FAM227B: variants seen among roughly 807,000 people sequenced by gnomAD.
FAM227B encodes the protein family with sequence similarity 227 member B, also known as protein FAM227B.
A neutral mutation model predicts 73.8 loss-of-function variants in FAM227B; 88 were observed. The ratio of observed to expected loss-of-function variants is 1.19; its 90% CI spans 1.00 to 1.42. FAM227B has a LOEUF of 1.42. Among genes scored for constraint, FAM227B ranks in the 40% most tolerant of loss-of-function variants. FAM227B has a pLI of 0.00. For missense variants in FAM227B, 632 were observed against 590.9 expected (o/e 1.07, Z -0.72); for synonymous variants, 210 against 190.5 (o/e 1.10, Z -0.84).
At chr15:49,394,878 C>T (rs2047464556) in intron 11 of FAM227B, among the ~76,000 whole-genome samples, 1 of 152,068 alleles carries the variant, frequency 6.6e-6, no homozygotes, top group Non-Finnish European at 1.5e-5. Context: ...AATGTATAGT[C>T]TTGACTGTTG....
At chr15:49,334,152 G>T in intron 14 of FAM227B, 1 of 657,410 alleles carries the variant, frequency 1.5e-6, no homozygotes, top group Non-Finnish European at 1.9e-6. Flanking sequence ...CAGTTTTGTG[G>T]TTTTATGTAA....
intron 11 of FAM227B, among the ~76,000 whole-genome samples, chr15:49,471,925 G>A (rs1473493641): frequency 4.0e-5 from 6 of 151,804 alleles, no homozygotes; most frequent in African/African-American, 1.5e-4. Flanking sequence ...GGAATCCCTC[G>A]TGACAGTGAA....
chr15:49,445,234 T>C (rs995137538), intron 11 of FAM227B, among the ~76,000 whole-genome samples: 2 of 151,650 alleles, frequency 1.3e-5, no homozygotes, highest in African/African-American at 2.4e-5. Context: ...GTACTGAGCA[T>C]AGTACCCAAT....
intron 11 of FAM227B, among the ~76,000 whole-genome samples, chr15:49,403,479 G>C (rs1481365709): frequency 1.3e-5 from 2 of 152,050 alleles, no homozygotes; most frequent in East Asian, 1.9e-4. Context: ...TTTCTTCCTG[G>C]TTCAGTCTTG....
chr15:49,512,773 C>T (rs2059103680), intron 10 of FAM227B, among the ~76,000 whole-genome samples: 1 of 151,912 alleles, frequency 6.6e-6, no homozygotes, highest in South Asian at 2.1e-4. Context: ...CTCGACAGGC[C>T]CTGGTGTGTG....
At chr15:49,389,170 A>C (rs572267920) in intron 11 of FAM227B, among the ~76,000 whole-genome samples, 2 of 152,130 alleles carry the variant, frequency 1.3e-5, no homozygotes, top group South Asian at 4.2e-4. Context: ...AAGTCATTAT[A>C]TGAAAAAGAC....
At chr15:49,477,146 G>A (rs1203541615) in intron 11 of FAM227B, among the ~76,000 whole-genome samples, 1 of 151,342 alleles carries the variant, frequency 6.6e-6, no homozygotes, top group East Asian at 1.9e-4. Context: ...TAAATATCTT[G>A]CACTAATGTG....
rs1324509831 is a variant in FAM227B at position 49,588,087 on chromosome 15, T to C, written c.338-4A>G. The stretch of plus-strand genomic sequence containing the variant: ...CGTTCCAATTTTCTATAAGAACCTT[T>C]AAGAAAATAAGAATTCACAGTATAT... On this transcript the variant is annotated splice_polypyrimidine_tract_variant and splice_region_variant and intron_variant, in intron 4 of 15. Coordinates refer to ENST00000299338, the MANE Select transcript of FAM227B (RefSeq NM_152647.3). The C allele has an allele frequency of 2.2e-6, 3 of 1,387,912 alleles. No homozygotes were observed. The highest frequency in any genetic ancestry group is 3.0e-5 in the African/African-American group (2 of 67,734). 86.0% of individuals were successfully genotyped at this position (1,387,912 alleles called of 1,614,324 possible). A position where few individuals can be genotyped will look rare whatever the true frequency, so the allele number is the denominator to read the frequency against.
intron 10 of FAM227B, among the ~76,000 whole-genome samples, chr15:49,539,866 G>A (rs1421911462): frequency 6.6e-6 from 1 of 152,220 alleles, no homozygotes. Flanking sequence ...ATGGTCCCAG[G>A]TGCAGGCTAG....
At chr15:49,377,513 T>A (rs891824299) in intron 11 of FAM227B, among the ~76,000 whole-genome samples, 2 of 152,112 alleles carry the variant, frequency 1.3e-5, no homozygotes, top group African/African-American at 4.8e-5. Flanking sequence ...TTTCTCCATA[T>A]CCTTGCCTAT....
chr15:49,333,428 ACT>A (rs1411320639), intron 14 of FAM227B, among the ~76,000 whole-genome samples: 1 of 152,110 alleles, frequency 6.6e-6, no homozygotes, highest in East Asian at 1.9e-4. Context: ...CTTGTGAGTT[ACT>A]CTGAGAATTG....
chr15:49,372,948 A>C (rs746092196), intron 11 of FAM227B, among the ~76,000 whole-genome samples: 46 of 152,262 alleles, frequency 3.0e-4, no homozygotes, highest in Non-Finnish European at 5.7e-4. Flanking sequence ...TTGGTTAGCA[A>C]GGAACTTACA....
chr15:49,421,767 C>T (rs915230275), intron 11 of FAM227B, among the ~76,000 whole-genome samples: 6 of 152,256 alleles, frequency 3.9e-5, no homozygotes, highest in Non-Finnish European at 8.8e-5. Context: ...ATTATTGTTA[C>T]CTCCCAAACT....
At chr15:49,561,348 T>C (rs1471145747) in intron 9 of FAM227B, among the ~76,000 whole-genome samples, 1 of 152,136 alleles carries the variant, frequency 6.6e-6, no homozygotes, top group Non-Finnish European at 1.5e-5. Context: ...ACATCCAATA[T>C]TGAAGCACCC....
At chr15:49,403,501 G>C (rs2048313418) in intron 11 of FAM227B, among the ~76,000 whole-genome samples, 1 of 152,150 alleles carries the variant, frequency 6.6e-6, no homozygotes, top group Non-Finnish European at 1.5e-5. Flanking sequence ...GAGTGTGTAT[G>C]TGTCCAGGAA....
intron 10 of FAM227B, among the ~76,000 whole-genome samples, chr15:49,517,644 T>C (rs1330524488): frequency 6.6e-6 from 1 of 152,182 alleles, no homozygotes; most frequent in Non-Finnish European, 1.5e-5. Context: ...CTGCAGCTAC[T>C]ATTGCCTTTG....
intron 1 of FAM227B, among the ~76,000 whole-genome samples, chr15:49,617,732 C>G (rs1459471418): frequency 6.6e-6 from 1 of 151,544 alleles, no homozygotes; most frequent in Non-Finnish European, 1.5e-5. Context: ...GTCTAGAGGT[C>G]GGGAATCTGA....
intron 11 of FAM227B, among the ~76,000 whole-genome samples, chr15:49,445,881 TAG>T: frequency 6.6e-6 from 1 of 151,656 alleles, no homozygotes; most frequent in South Asian, 2.1e-4. Context: ...TGAAATTAGA[TAG>T]AAAGTTTACT....
rs977268546 is a variant in FAM227B at position 49,590,983 on chromosome 15, A to C, written c.106-976T>G. Among the ~76,000 whole-genome samples, 5 of 151,284 alleles carry C rather than the reference A, an allele frequency of 3.3e-5. No individual in the cohort carries two copies. The East Asian group carries it at 5.8e-4, about 18-fold the overall frequency. ...CTCCAAGATCATCCACACTGTCAAA[A>C]ATAGAGAGATCTCTCTCTTCTTTTC... is the stretch of plus-strand genomic sequence containing the variant. On this transcript the variant is annotated intron_variant, in intron 3 of 15. Coordinates refer to ENST00000299338, the MANE Select transcript of FAM227B (RefSeq NM_152647.3).
Sources: allele counts gnomAD v4.1 joint callset (sites outside exome capture counted in the v4.1 genomes callset), GRCh38; gene constraint gnomAD v4.1.1; transcripts MANE v1.5; gene names NCBI Gene and HGNC (gene_info 2026-07-23, HGNC 2026-07-21).